Variants in CORIN observed in about 807,000 individuals in gnomAD.
CORIN encodes the protein corin, serine peptidase, also known as atrial natriuretic peptide-converting enzyme.
A neutral mutation model predicts 125.3 loss-of-function variants in CORIN; 117 were observed. The observed-to-expected ratio is 0.93, with a 90% CI of 0.80 to 1.09. The LOEUF is 1.09. Among genes scored for constraint, CORIN ranks in the 50% least tolerant of loss-of-function variants. CORIN has a pLI of 0.00. For missense variants in CORIN, 1,253 were observed against 1,306.7 expected, an observed-to-expected ratio of 0.96 and a Z score of 0.63; for synonymous variants, 450 against 466.4, an observed-to-expected ratio of 0.96 and a Z score of 0.45.
intron 2 of CORIN, among the ~76,000 whole-genome samples, chr4:47,796,282 A>T (rs1014375657): frequency 6.6e-6 from 1 of 152,100 alleles, no homozygotes. Context: ...GGCCTTAAAA[A>T]AGAAGAAAAT....
At chr4:47,828,496 A>ACTCCAATT in intron 1 of CORIN, among the ~76,000 whole-genome samples, 1 of 152,284 alleles carries the variant, frequency 6.6e-6, no homozygotes, top group East Asian at 1.9e-4. Context: ...GAATTGGTGA[A>ACTCCAATT]CACATCTACA....
At chr4:47,687,346 C>A (rs558787863) in intron 6 of CORIN, among the ~76,000 whole-genome samples, 34 of 152,256 alleles carry the variant, frequency 2.2e-4, no homozygotes, top group African/African-American at 8.2e-4. Context: ...GAGATGTTGT[C>A]AGTGCAATTT....
At chr4:47,601,650 G>A (rs111815334) in intron 20 of CORIN, among the ~76,000 whole-genome samples, 4,653 of 152,040 alleles carry the variant, frequency 0.031, 233 homozygotes, top group African/African-American at 0.11. Context: ...TATTGTAGGA[G>A]GAATATAAGC....
chr4:47,760,187 C>A (rs150535848), intron 4 of CORIN, among the ~76,000 whole-genome samples: 12 of 152,290 alleles, frequency 7.9e-5, no homozygotes, highest in East Asian at 5.8e-4. Context: ...TAATGGGCTG[C>A]AGAATAGATA....
At chr4:47,710,921 A>G (rs564764195) in intron 5 of CORIN, among the ~76,000 whole-genome samples, 6 of 152,380 alleles carry the variant, frequency 3.9e-5, no homozygotes, top group African/African-American at 1.4e-4. Context: ...AAAGTTATTA[A>G]GAATTTTAAG....
chr4:47,815,160 C>T (rs923717718), intron 1 of CORIN, among the ~76,000 whole-genome samples: 1 of 152,124 alleles, frequency 6.6e-6, no homozygotes, highest in Non-Finnish European at 1.5e-5. Flanking sequence ...AAGTCATCTT[C>T]CATTCTTAAC....
rs141715586 is a variant in CORIN, at chr4:47,600,964, A to G, written c.2813-617T>C. 4.1e-3 allele frequency among the ~76,000 whole-genome samples: 626 copies of G among 152,354 alleles called. 17 individuals carry two copies. The highest frequency in any genetic ancestry group is 0.036 in the Admixed American group (557 of 15,296). ...CCATCTTGCTTAAAAGTTCTTGAAG[A>G]ATGACAATGGATTTCTTGAAGCAAG... On this transcript the variant is annotated intron_variant, in intron 20 of 21. Transcript: ENST00000273857.
At chr4:47,810,967 CA>C (rs1242664944) in intron 1 of CORIN, among the ~76,000 whole-genome samples, 4 of 152,096 alleles carry the variant, frequency 2.6e-5, no homozygotes, top group Admixed American at 2.6e-4. Flanking sequence ...TTTGTGATCT[CA>C]AAAAAGGTAA....
At chr4:47,743,377 A>T (rs1259489671) in intron 5 of CORIN, among the ~76,000 whole-genome samples, 1 of 152,260 alleles carries the variant, frequency 6.6e-6, no homozygotes, top group Admixed American at 6.5e-5. Context: ...AACTGAAGAC[A>T]AAAAGACAGA....
intron 5 of CORIN, among the ~76,000 whole-genome samples, chr4:47,695,122 A>G (rs558792155): frequency 6.6e-6 from 1 of 152,252 alleles, no homozygotes; most frequent in African/African-American, 2.4e-5. Flanking sequence ...GTGCACTCCT[A>G]TACCTACAAA....
At chr4:47,736,655 C>T (rs990508798) in intron 5 of CORIN, among the ~76,000 whole-genome samples, 1 of 152,122 alleles carries the variant, frequency 6.6e-6, no homozygotes, top group African/African-American at 2.4e-5. Flanking sequence ...TTCTGGTAGA[C>T]CCCAGTATCA....
In CORIN at chr4:47,645,110, C is replaced by A; in HGVS notation, c.1928G>T (p.Cys643Phe). 3.1e-6 allele frequency: 5 copies of A among 1,610,946 alleles called. No homozygotes were observed. Among genetic ancestry groups the A allele is most frequent in the African/African-American group, 1.3e-5 (1 of 74,930 alleles). The change falls in exon 14 of 22, where the codon TGC (cysteine) becomes TTC (phenylalanine). Residue 643 changes from cysteine to phenylalanine, a missense_variant. Physicochemically the swap from Cys to Phe is radical, Grantham distance 205. Transcript: ENST00000273857. Reference protein sequence around the residue: ...HTVICDGFPDCPDYMDEKNCS... With the variant: ...HTVICDGFPDFPDYMDEKNCS... ...GTTTTTCTCGTCCATGTAATCAGGG[C>A]AGTCTGGGAACCCATCGCAGATCAC...
chr4:47,805,148 A>AAAATAATAATAAT (rs796469224), intron 2 of CORIN, among the ~76,000 whole-genome samples: 1 of 129,166 alleles, frequency 7.7e-6, no homozygotes, highest in African/African-American at 2.9e-5. Flanking sequence ...AAAAAAAAAA[A>AAAATAATAATAAT]AATAATAATA....
chr4:47,764,185 A>G (rs1242592757), intron 3 of CORIN, among the ~76,000 whole-genome samples: 1 of 152,224 alleles, frequency 6.6e-6, no homozygotes, highest in Non-Finnish European at 1.5e-5. Context: ...ATAATAAGTA[A>G]AAGTAGGAAG....
At position 47,595,673 on chromosome 4, in the gene CORIN, C is replaced by A. The variant is rs928973108; in HGVS notation, c.*48G>T. On this transcript the variant is annotated 3_prime_UTR_variant, in exon 22 of 22. Coordinates refer to ENST00000273857, the MANE Select transcript of CORIN (RefSeq NM_006587.4). ...AGGCAGCTCTTCACAGTCAAGAAGG[C>A]CATTTTCTTTTAGTGTAGCTGGCAA... 1.3e-6 allele frequency: 2 copies of A among 1,482,246 alleles called. No homozygotes were observed. Among genetic ancestry groups the A allele is most frequent in the Non-Finnish European group, 9.1e-7 (1 of 1,093,768 alleles). The allele number at this position is 1,482,246 out of a possible 1,614,324, so 91.8% of individuals were successfully genotyped here. A position where few individuals can be genotyped will look rare whatever the true frequency, so the allele number is the denominator to read the frequency against.
intron 2 of CORIN, 29 bp from the exon 3 acceptor site, chr4:47,786,954 A>C (rs61756960): frequency 1.3e-6 from 2 of 1,494,776 alleles, no homozygotes; most frequent in Non-Finnish European, 9.2e-7. Context: ...CACAAAAAAA[A>C]CCTATCTTTG....
chr4:47,837,606 T>G (rs1231661419), intron 1 of CORIN: 2 of 550,406 alleles, frequency 3.6e-6, no homozygotes, highest in Non-Finnish European at 6.4e-6. Flanking sequence ...GGTCTCCGGA[T>G]CGAGCCGACT....
intron 2 of CORIN, among the ~76,000 whole-genome samples, chr4:47,802,393 T>C (rs1036463005): frequency 6.6e-6 from 1 of 151,478 alleles, no homozygotes; most frequent in African/African-American, 2.4e-5. Context: ...TCCTGAAGAG[T>C]GAGTCCCAGG....
At chr4:47,688,496 G>T (rs778625546) in intron 6 of CORIN, among the ~76,000 whole-genome samples, 6 of 152,142 alleles carry the variant, frequency 3.9e-5, no homozygotes, top group Admixed American at 6.5e-5. Context: ...CAGTTACTCA[G>T]GAGGCTGAGC....
Sources: gnomAD v4.1 joint callset for allele counts (sites outside exome capture counted in the v4.1 genomes callset) on GRCh38, gnomAD v4.1.1 for gene constraint, MANE v1.5 for transcripts, NCBI Gene and HGNC (gene_info 2026-07-23, HGNC 2026-07-21) for gene names.